TASP1: variants seen among roughly 807,000 people sequenced by gnomAD.
TASP1 encodes threonine aspartase 1.
Under a neutral mutation model 56.6 loss-of-function variants are expected in TASP1, and 16 were observed. That is an observed-to-expected ratio of 0.28 (90% CI 0.19 to 0.43). TASP1 has a LOEUF of 0.43. TASP1 is among the 20% of genes least tolerant of loss of function. TASP1 has a pLI of 1.00. For missense variants in TASP1, 393 were observed against 511.6 expected (o/e 0.77, Z 2.24); for synonymous variants, 179 against 184.2 (o/e 0.97, Z 0.23).
chr20:13,152,739 G>A, the TASP1 span, among the ~76,000 whole-genome samples: 1 of 152,190 alleles, frequency 6.6e-6, no homozygotes, highest in Non-Finnish European at 1.5e-5. Context: ...AAAAGAGGAA[G>A]GGCAGGGCCA....
chr20:13,198,167 G>A, the TASP1 span, among the ~76,000 whole-genome samples: 1 of 152,066 alleles, frequency 6.6e-6, no homozygotes, highest in Admixed American at 6.6e-5. Flanking sequence ...ATTGTGATAA[G>A]AAATGTGTCT....
chr20:13,359,013 C>CTCCTTGTCTCTACCCCTTCTCTG, the TASP1 span, among the ~76,000 whole-genome samples: 3 of 150,580 alleles, frequency 2.0e-5, no homozygotes, highest in Non-Finnish European at 4.4e-5. Flanking sequence ...AACCCCTTCT[C>CTCCTTGTCTCTACCCCTTCTCTG]CTTCACCCTT....
At chr20:13,522,534 T>C (rs1318960302) in intron 10 of TASP1, among the ~76,000 whole-genome samples, 5 of 152,154 alleles carry the variant, frequency 3.3e-5, no homozygotes, top group Non-Finnish European at 7.4e-5. Flanking sequence ...GCCACTGGAA[T>C]TGACACTTGC....
the TASP1 span, among the ~76,000 whole-genome samples, chr20:13,209,695 T>A: frequency 6.6e-6 from 1 of 152,202 alleles, no homozygotes; most frequent in Non-Finnish European, 1.5e-5. Flanking sequence ...AAATCTGCCA[T>A]TTATCTAGCT....
the TASP1 span, among the ~76,000 whole-genome samples, chr20:13,329,109 T>C: frequency 6.6e-6 from 1 of 152,196 alleles, no homozygotes; most frequent in African/African-American, 2.4e-5. Flanking sequence ...ATTGGATTTG[T>C]AACTTAAACA....
the TASP1 span, among the ~76,000 whole-genome samples, chr20:13,379,292 T>C: frequency 6.6e-6 from 1 of 152,222 alleles, no homozygotes; most frequent in African/African-American, 2.4e-5. Flanking sequence ...TCTCTCAGCA[T>C]TTGCTTGTCT....
chr20:13,390,274 A>G lies in TASP1; in HGVS notation c.*86T>C, dbSNP rs182543084. ...TGCAATAGGAATTATAAAACAAGAAAGATAAAACAACCAACTTCAGTTAAA... is the reference window on the plus strand; with the variant it reads ...TGCAATAGGAATTATAAAACAAGAAGGATAAAACAACCAACTTCAGTTAAA... On this transcript the variant is annotated 3_prime_UTR_variant, in exon 14 of 14. Transcript: ENST00000337743. The G allele has an allele frequency of 5.6e-5, 69 of 1,226,478 alleles. No homozygotes were observed. In the East Asian group the frequency reaches 1.7e-3, roughly 30 times the overall value. 76.0% of individuals were successfully genotyped at this position (1,226,478 alleles called of 1,614,324 possible).
At chr20:13,160,951 C>CATAT in the TASP1 span, among the ~76,000 whole-genome samples, 1 of 152,108 alleles carries the variant, frequency 6.6e-6, no homozygotes, top group Non-Finnish European at 1.5e-5. Flanking sequence ...TTCAAGACTT[C>CATAT]CAATCAGTGG....
the TASP1 span, among the ~76,000 whole-genome samples, chr20:13,247,257 G>A: frequency 6.6e-6 from 1 of 152,126 alleles, no homozygotes; most frequent in African/African-American, 2.4e-5. Flanking sequence ...AAGAGATTTA[G>A]AGACAGAAAG....
intron 13 of TASP1, among the ~76,000 whole-genome samples, chr20:13,399,666 A>T (rs2041665696): frequency 6.7e-6 from 1 of 148,996 alleles, no homozygotes; most frequent in Non-Finnish European, 1.5e-5. Flanking sequence ...AGTCATTATT[A>T]TCACTCACCT....
chr20:13,191,125 T>C, the TASP1 span, among the ~76,000 whole-genome samples: 1 of 152,160 alleles, frequency 6.6e-6, no homozygotes, highest in Non-Finnish European at 1.5e-5. Context: ...GGCGAACTCT[T>C]ATATACTGTT....
chr20:13,251,257 C>T, the TASP1 span, among the ~76,000 whole-genome samples: 1 of 152,156 alleles, frequency 6.6e-6, no homozygotes, highest in Admixed American at 6.5e-5. Flanking sequence ...TCCATCTCAC[C>T]CCCCTTCCAC....
At chr20:13,553,859 A>G (rs190561142) in intron 8 of TASP1, among the ~76,000 whole-genome samples, 1 of 152,188 alleles carries the variant, frequency 6.6e-6, no homozygotes, top group African/African-American at 2.4e-5. Flanking sequence ...TTTGTTTGGG[A>G]AGACAATGTG....
chr20:13,325,247 C>T, the TASP1 span, among the ~76,000 whole-genome samples: 1 of 152,150 alleles, frequency 6.6e-6, no homozygotes, highest in Admixed American at 6.6e-5. Context: ...ATCTTTTGTT[C>T]CCATCAAGAA....
At chr20:13,222,625 T>C in the TASP1 span, among the ~76,000 whole-genome samples, 1 of 152,306 alleles carries the variant, frequency 6.6e-6, no homozygotes, top group Middle Eastern at 3.4e-3. Flanking sequence ...ATCTTCCCCG[T>C]TGAAGGTCGC....
At chr20:13,316,539 CACA>C in the TASP1 span, among the ~76,000 whole-genome samples, 11 of 151,822 alleles carry the variant, frequency 7.2e-5, no homozygotes, top group South Asian at 2.1e-4. Flanking sequence ...AAATCCTCAA[CACA>C]ACATTAGCAA....
chr20:13,526,973 C>A (rs1035430765), intron 10 of TASP1, among the ~76,000 whole-genome samples: 1 of 152,106 alleles, frequency 6.6e-6, no homozygotes, highest in Non-Finnish European at 1.5e-5. Context: ...AAAGGACTCA[C>A]ATGCACCTCA....
At chr20:13,350,693 T>C in the TASP1 span, among the ~76,000 whole-genome samples, 4 of 151,942 alleles carry the variant, frequency 2.6e-5, no homozygotes, top group Non-Finnish European at 5.9e-5. Flanking sequence ...TTTTTATATA[T>C]ATATACATTT....
the TASP1 span, among the ~76,000 whole-genome samples, chr20:13,141,096 G>A: frequency 5.6e-4 from 85 of 152,180 alleles, no homozygotes; most frequent in African/African-American, 1.9e-3. Context: ...AGGGCATTGA[G>A]GGGGGAAAGA....
Sources: gnomAD v4.1 joint callset for allele counts (sites outside exome capture counted in the v4.1 genomes callset) on GRCh38, gnomAD v4.1.1 for gene constraint, MANE v1.5 for transcripts, NCBI Gene and HGNC (gene_info 2026-07-23, HGNC 2026-07-21) for gene names.